WIPF2: variants seen among roughly 807,000 people sequenced by gnomAD.
WIPF2 encodes the protein WAS/WASL-interacting protein family member 2.
Under a neutral mutation model 38.8 loss-of-function variants are expected in WIPF2, and 23 were observed. The observed-to-expected ratio is 0.59, with a 90% confidence interval of 0.43 to 0.84. WIPF2 has a LOEUF of 0.84. Among genes scored for constraint, WIPF2 ranks in the 40% least tolerant of loss-of-function variants. The probability of loss-of-function intolerance (pLI) is 0.00; values close to 1 mark genes in which losing one functional copy is unlikely to be tolerated. For missense variants in WIPF2, 574 were observed against 580.5 expected (o/e 0.99, Z 0.11); for synonymous variants, 210 against 223.2 (o/e 0.94, Z 0.53).
At chr17:40,265,670 T>G (rs2032066092) in intron 5 of WIPF2, among the ~76,000 whole-genome samples, 1 of 150,098 alleles carries the variant, frequency 6.7e-6, no homozygotes, top group African/African-American at 2.5e-5. Context: ...GAGGGAAGAG[T>G]GGTAGGACTT....
rs1415028255 is a variant in WIPF2, at chr17:40,282,670, A to G, written c.*4445A>G. Reference sequence around the variant, plus strand: ...CTTCTGGATGCCATGCAGCTTAATTAAAACCTTGCTTAAAAACAAAAAGTG... The same window carrying G: ...CTTCTGGATGCCATGCAGCTTAATTGAAACCTTGCTTAAAAACAAAAAGTG... On this transcript the variant is annotated 3_prime_UTR_variant, in exon 8 of 8. Transcript: ENST00000323571. The G allele has an allele frequency of 6.6e-6, 1 of 152,212 alleles. No individual in the cohort carries two copies. The highest frequency in any genetic ancestry group is 1.9e-4 in the East Asian group (1 of 5,200). The allele number at this position is 152,212 out of a possible 1,614,324, so 9.4% of individuals were successfully genotyped here.
At chr17:40,226,099 A>G (rs1198098142) in intron 1 of WIPF2, among the ~76,000 whole-genome samples, 2 of 151,864 alleles carry the variant, frequency 1.3e-5, no homozygotes, top group Non-Finnish European at 2.9e-5. Flanking sequence ...GCTTCTGGAA[A>G]TGCTGAATCG....
chr17:40,250,896 C>T (rs1326089935), intron 1 of WIPF2, among the ~76,000 whole-genome samples: 3 of 148,210 alleles, frequency 2.0e-5, no homozygotes, highest in African/African-American at 5.0e-5. Flanking sequence ...GGTGCCAGTA[C>T]ACGTTAGCTA....
At chr17:40,237,617 T>A (rs2031027116) in intron 1 of WIPF2, among the ~76,000 whole-genome samples, 2 of 151,824 alleles carry the variant, frequency 1.3e-5, no homozygotes, top group Non-Finnish European at 1.5e-5. Context: ...GTCGCTTAAT[T>A]CCTGTTATCA....
At chr17:40,271,326 C>A (rs998018480) in intron 5 of WIPF2, among the ~76,000 whole-genome samples, 2 of 152,174 alleles carry the variant, frequency 1.3e-5, no homozygotes, top group African/African-American at 4.8e-5. Context: ...GCTGAGTAGT[C>A]TCTTCACATA....
At chr17:40,277,004 T>C in intron 6 of WIPF2, 79 bp from the exon 7 acceptor site, 1 of 1,224,874 alleles carries the variant, frequency 8.2e-7, no homozygotes, top group Non-Finnish European at 1.2e-6. Context: ...GATTAGTAAG[T>C]GGGGAGGGTC....
chr17:40,251,201 A>G (rs953482636), intron 1 of WIPF2, among the ~76,000 whole-genome samples: 1 of 152,138 alleles, frequency 6.6e-6, no homozygotes, highest in Non-Finnish European at 1.5e-5. Flanking sequence ...GGCGTGAGCC[A>G]CTGCGTCCAG....
chr17:40,238,120 G>A (rs559967522), intron 1 of WIPF2, among the ~76,000 whole-genome samples: 9 of 150,980 alleles, frequency 6.0e-5, no homozygotes, highest in Middle Eastern at 6.9e-3. Flanking sequence ...GCCTCCCAAC[G>A]TGCTGGGATT....
chr17:40,265,240 A>G (rs889253594), intron 5 of WIPF2, 94 bp downstream of exon 5: 106 of 1,428,498 alleles, frequency 7.4e-5, no homozygotes, highest in Non-Finnish European at 9.8e-5. Context: ...TCGTTTATTC[A>G]CTCAGTGGGT....
At chr17:40,275,093 T>C (rs1442922442) in intron 6 of WIPF2, among the ~76,000 whole-genome samples, 4 of 151,414 alleles carry the variant, frequency 2.6e-5, no homozygotes, top group African/African-American at 9.7e-5. Flanking sequence ...TATAAAAAAT[T>C]AACTGGGCAT....
intron 1 of WIPF2, among the ~76,000 whole-genome samples, chr17:40,254,870 A>ACAGGCACAT (rs1567718087): frequency 6.6e-6 from 1 of 151,916 alleles, no homozygotes; most frequent in Admixed American, 6.6e-5. Flanking sequence ...AGCTGGGACT[A>ACAGGCACAT]CAGGCACATG....
At chr17:40,262,460 T>G in intron 3 of WIPF2, 65 bp from the exon 4 acceptor site, 1 of 1,323,958 alleles carries the variant, frequency 7.6e-7, no homozygotes, top group South Asian at 1.2e-5. Flanking sequence ...TGGTTTCCCC[T>G]CATGATTTAC....
intron 1 of WIPF2, among the ~76,000 whole-genome samples, chr17:40,224,406 A>ATTTTTTTTTTTT (rs67838907): frequency 1.1e-5 from 1 of 89,132 alleles, no homozygotes; most frequent in African/African-American, 4.0e-5. Flanking sequence ...GATTTTTTGT[A>ATTTTTTTTTTTT]TTTTTTTTTT....
intron 1 of WIPF2, among the ~76,000 whole-genome samples, chr17:40,244,280 C>G: frequency 6.6e-6 from 1 of 152,114 alleles, no homozygotes; most frequent in East Asian, 1.9e-4. Context: ...CTGTTTGGTT[C>G]CTGCCGTTGT....
At chr17:40,237,232 C>G (rs748466761) in intron 1 of WIPF2, among the ~76,000 whole-genome samples, 10 of 145,826 alleles carry the variant, frequency 6.9e-5, no homozygotes, top group African/African-American at 1.0e-4. Flanking sequence ...TTTTCCTATT[C>G]AATTTTTCCT....
chr17:40,253,264 G>T (rs1434236877), intron 1 of WIPF2, among the ~76,000 whole-genome samples: 1 of 151,654 alleles, frequency 6.6e-6, no homozygotes, highest in Admixed American at 6.6e-5. Flanking sequence ...GGGTTTCACT[G>T]TGTTAGCCAG....
chr17:40,267,167 GATTA>G (rs969227863), intron 5 of WIPF2, among the ~76,000 whole-genome samples: 152 of 152,230 alleles, frequency 1.0e-3, no homozygotes, highest in African/African-American at 3.4e-3. Flanking sequence ...TTTCATGTGA[GATTA>G]ATTAGTCTCA....
At chr17:40,263,923 A>C (rs1392753881) in intron 4 of WIPF2, among the ~76,000 whole-genome samples, 2 of 152,202 alleles carry the variant, frequency 1.3e-5, no homozygotes, top group Non-Finnish European at 2.9e-5. Context: ...ATCATTCCAC[A>C]ACGTATACAT....
chr17:40,244,575 G>A (rs562868122), intron 1 of WIPF2, among the ~76,000 whole-genome samples: 1 of 152,158 alleles, frequency 6.6e-6, no homozygotes, highest in African/African-American at 2.4e-5. Context: ...TGAGATAACC[G>A]ATCGAACTTC....
Sources: gnomAD v4.1 joint callset for allele counts (sites outside exome capture counted in the v4.1 genomes callset) on GRCh38, gnomAD v4.1.1 for gene constraint, MANE v1.5 for transcripts, NCBI Gene and HGNC (gene_info 2026-07-23, HGNC 2026-07-21) for gene names.